The following TANC1 variants were observed in gnomAD, a reference collection of about 807,000 sequenced individuals.
TANC1 encodes protein TANC1.
In TANC1, 77 loss-of-function variants were observed where a neutral mutation model predicts 149.7. That is an observed-to-expected ratio of 0.51 (90% CI 0.43 to 0.62). TANC1 has a LOEUF of 0.62. Among genes scored for constraint, TANC1 ranks in the 20% least tolerant of loss-of-function variants. The probability of loss-of-function intolerance (pLI) is 0.00; values close to 1 mark genes in which losing one functional copy is unlikely to be tolerated. For missense variants in TANC1, 1,985 were observed against 2,321.8 expected, an observed-to-expected ratio of 0.85 and a Z score of 2.98; for synonymous variants, 854 against 925.0, an observed-to-expected ratio of 0.92 and a Z score of 1.39.
intron 2 of TANC1, among the ~76,000 whole-genome samples, chr2:159,024,499 C>T (rs1195963607): frequency 6.6e-6 from 1 of 152,082 alleles, no homozygotes; most frequent in Non-Finnish European, 1.5e-5. Context: ...GCCTATAATC[C>T]CAGCACTTTG....
At chr2:159,088,122 C>T (rs1477559822) in intron 3 of TANC1, among the ~76,000 whole-genome samples, 2 of 151,670 alleles carry the variant, frequency 1.3e-5, no homozygotes, top group Non-Finnish European at 2.9e-5. Flanking sequence ...GTTGTTTAGG[C>T]CACCCTATTT....
intron 5 of TANC1, among the ~76,000 whole-genome samples, chr2:159,146,019 G>T (rs2052041581): frequency 6.6e-6 from 1 of 152,176 alleles, no homozygotes; most frequent in African/African-American, 2.4e-5. Context: ...GTTTGAATTT[G>T]ACTTGGAGGT....
Position 159,149,287 on chromosome 2 carries a change from A to C in TANC1, c.495+15A>C. On this transcript the variant is annotated intron_variant, in intron 6 of 26. Coordinates refer to ENST00000263635, the MANE Select transcript of TANC1 (RefSeq NM_033394.3). ...ATGAAACCATGGTAATGCCCGAGGA[A>C]GACACTACATTGCATACCTCTTCAG... 1 of 1,614,134 alleles carries C rather than the reference A, an allele frequency of 6.2e-7. No individual in the cohort carries two copies. The highest frequency in any genetic ancestry group is 8.5e-7 in the Non-Finnish European group (1 of 1,179,990).
intron 22 of TANC1, among the ~76,000 whole-genome samples, chr2:159,223,592 C>T (rs1228408403): frequency 1.3e-5 from 2 of 152,286 alleles, no homozygotes; most frequent in East Asian, 3.9e-4. Flanking sequence ...TAAAATGGCT[C>T]CAGTAAATGG....
chr2:159,181,740 GCCTT>G (rs1373883609), intron 14 of TANC1, among the ~76,000 whole-genome samples: 2 of 152,076 alleles, frequency 1.3e-5, no homozygotes, highest in African/African-American at 4.8e-5. Flanking sequence ...AATTCTCCAT[GCCTT>G]CCTTCCTTAT....
intron 4 of TANC1, among the ~76,000 whole-genome samples, chr2:159,107,551 C>T (rs2149998114): frequency 6.6e-6 from 1 of 152,302 alleles, no homozygotes; most frequent in African/African-American, 2.4e-5. Flanking sequence ...ACTTCATTCT[C>T]TTTCACGTGG....
chr2:159,176,316 A>C (rs1360544060), intron 12 of TANC1, 36 bp from the exon 13 acceptor site: 1 of 1,273,442 alleles, frequency 7.9e-7, no homozygotes, highest in African/African-American at 1.5e-5. Flanking sequence ...AGAAATGTAT[A>C]ATTTCTTAAT....
intron 2 of TANC1, among the ~76,000 whole-genome samples, chr2:159,006,268 C>CCTGGGTGA (rs1480458779): frequency 6.8e-6 from 1 of 146,160 alleles, no homozygotes; most frequent in Non-Finnish European, 1.5e-5. Context: ...TGCACTCCAG[C>CCTGGGTGA]CTGGGTGACA....
At chr2:159,217,744 C>A in intron 20 of TANC1, 114 bp downstream of exon 20, 2 of 1,363,414 alleles carry the variant, frequency 1.5e-6, no homozygotes, top group Non-Finnish European at 1.0e-6. Flanking sequence ...GTTCCCCATC[C>A]TCGGCTTCTG....
chr2:159,214,208 A>C (rs2059199283), intron 19 of TANC1, among the ~76,000 whole-genome samples: 1 of 151,386 alleles, frequency 6.6e-6, no homozygotes, highest in Admixed American at 6.6e-5. Context: ...TTTGTTACAA[A>C]TTTTTAAATA....
intron 17 of TANC1, 65 bp downstream of exon 17, chr2:159,194,558 G>T: frequency 1.5e-6 from 2 of 1,364,766 alleles, no homozygotes; most frequent in South Asian, 2.3e-5. Flanking sequence ...TGCTAGAATT[G>T]TTATTTGCTG....
intron 3 of TANC1, among the ~76,000 whole-genome samples, chr2:159,095,793 G>T (rs1026477520): frequency 6.6e-6 from 1 of 150,546 alleles, no homozygotes. Flanking sequence ...CTCATATAAG[G>T]CATATGTCCT....
At chr2:159,061,664 G>A (rs1334106083) in intron 2 of TANC1, among the ~76,000 whole-genome samples, 1 of 152,136 alleles carries the variant, frequency 6.6e-6, no homozygotes, top group Non-Finnish European at 1.5e-5. Context: ...AATTTGTTAT[G>A]CCTTTCTCTT....
chr2:159,218,675 G>T (rs9646726), intron 20 of TANC1, among the ~76,000 whole-genome samples: 29,161 of 152,140 alleles, frequency 0.19, 4,147 homozygotes, highest in East Asian at 0.48. Flanking sequence ...ACTATGCATG[G>T]TTGAAAGGCA....
At chr2:159,082,234 G>C (rs1261576202) in intron 3 of TANC1, among the ~76,000 whole-genome samples, 4 of 152,168 alleles carry the variant, frequency 2.6e-5, no homozygotes, top group Admixed American at 2.0e-4. Context: ...ATGGGAGAGA[G>C]GGCCACACCC....
At chr2:159,123,916 A>G (rs2049118975) in intron 4 of TANC1, among the ~76,000 whole-genome samples, 1 of 152,070 alleles carries the variant, frequency 6.6e-6, no homozygotes, top group South Asian at 2.1e-4. Context: ...GTACAGCTCA[A>G]TCGCTGCCTT....
chr2:159,084,304 C>G lies in TANC1; in HGVS notation c.62-13333C>G, dbSNP rs188002858. ...TTTCTTCGTCACTCCTAGCTCCCCC[C>G]CCAATACAGGCCTGGGAAAGACCTT... On this transcript the variant is annotated intron_variant, in intron 3 of 26. Transcript: ENST00000263635. 8.8e-3 allele frequency among the ~76,000 whole-genome samples: 1,337 copies of G among 152,202 alleles called. 13 individuals carry two copies. Among genetic ancestry groups the G allele is most frequent in the Non-Finnish European group, 0.014 (928 of 68,016 alleles).
Position 159,196,600 on chromosome 2 carries a change from G to T in TANC1, c.2980-8G>T. 1 of 1,592,120 alleles carries T rather than the reference G, an allele frequency of 6.3e-7. No homozygotes were observed. The highest frequency in any genetic ancestry group is 8.6e-7 in the Non-Finnish European group (1 of 1,166,030). On this transcript the variant is annotated splice_polypyrimidine_tract_variant and splice_region_variant and intron_variant, in intron 17 of 26. Transcript: ENST00000263635. The stretch of plus-strand genomic sequence containing the variant: ...TCAGCTGTAACCTTCCCCTACTCCT[G>T]CCCCCAGGTGGACCACTTGGATAAG...
intron 19 of TANC1, among the ~76,000 whole-genome samples, chr2:159,214,521 C>T (rs2059222384): frequency 6.6e-6 from 1 of 152,234 alleles, no homozygotes; most frequent in African/African-American, 2.4e-5. Context: ...CATGTTGGTA[C>T]CAGCACTGAC....
Sources: allele counts gnomAD v4.1 joint callset (sites outside exome capture counted in the v4.1 genomes callset), GRCh38; gene constraint gnomAD v4.1.1; transcripts MANE v1.5; gene names NCBI Gene and HGNC (gene_info 2026-07-23, HGNC 2026-07-21).